The following PLPPR1 variants were observed in gnomAD, a reference collection of about 807,000 sequenced individuals.
PLPPR1 encodes the protein phospholipid phosphatase related 1, also known as phospholipid phosphatase-related protein type 1.
In PLPPR1, 10 loss-of-function variants were observed where a neutral mutation model predicts 33.1. The ratio of observed to expected loss-of-function variants is 0.30; its 90% CI spans 0.19 to 0.51. PLPPR1 has a LOEUF of 0.51. Ranked by LOEUF, PLPPR1 falls within the 20% of genes least tolerant of loss-of-function variation. The pLI is 0.97. For missense variants in PLPPR1, 304 were observed against 408.1 expected, an observed-to-expected ratio of 0.74 and a Z score of 2.20; for synonymous variants, 151 against 151.0, an observed-to-expected ratio of 1.00 and a Z score of 0.00.
chr9:101,144,029 A>G (rs1048114041), intron 1 of PLPPR1, among the ~76,000 whole-genome samples: 1 of 152,072 alleles, frequency 6.6e-6, no homozygotes, highest in Non-Finnish European at 1.5e-5. Context: ...TGGTCTATCA[A>G]TGATAGACTG....
At chr9:101,304,835 T>C (rs1828825924) in intron 4 of PLPPR1, among the ~76,000 whole-genome samples, 1 of 152,176 alleles carries the variant, frequency 6.6e-6, no homozygotes, top group Non-Finnish European at 1.5e-5. Context: ...ATTGGTACTC[T>C]ATAGAGCGTG....
chr9:101,215,797 C>G (rs1826782365), intron 2 of PLPPR1, among the ~76,000 whole-genome samples: 1 of 151,142 alleles, frequency 6.6e-6, no homozygotes, highest in African/African-American at 2.4e-5. Flanking sequence ...CAGTTCCATG[C>G]ATGTTGTTGA....
chr9:101,304,306 G>A (rs1346466181), intron 4 of PLPPR1, among the ~76,000 whole-genome samples: 1 of 152,168 alleles, frequency 6.6e-6, no homozygotes, highest in South Asian at 2.1e-4. Context: ...AAGTTTCTAT[G>A]CTCTTTTATC....
At chr9:101,049,202 A>G (rs924989287) in intron 1 of PLPPR1, among the ~76,000 whole-genome samples, 5 of 152,220 alleles carry the variant, frequency 3.3e-5, no homozygotes, top group African/African-American at 1.2e-4. Flanking sequence ...TTCAAAATTA[A>G]TTATGTTTTC....
intron 2 of PLPPR1, among the ~76,000 whole-genome samples, chr9:101,238,349 G>GTATA (rs199647180): frequency 0.25 from 32,727 of 132,664 alleles, 4,310 homozygotes; most frequent in African/African-American, 0.3. Context: ...ATATATAGAG[G>GTATA]TGTATATATA....
intron 2 of PLPPR1, among the ~76,000 whole-genome samples, chr9:101,244,697 G>A (rs1827552355): frequency 6.6e-6 from 1 of 151,832 alleles, no homozygotes; most frequent in Admixed American, 6.6e-5. Flanking sequence ...ACAATAAAAT[G>A]CATCTTTGAT....
At chr9:101,120,467 A>G (rs1229740771) in intron 1 of PLPPR1, among the ~76,000 whole-genome samples, 4 of 152,146 alleles carry the variant, frequency 2.6e-5, no homozygotes, top group African/African-American at 9.7e-5. Flanking sequence ...AAATATCCTT[A>G]TTGGCTAGAG....
At chr9:101,154,392 T>C (rs1831645122) in intron 1 of PLPPR1, among the ~76,000 whole-genome samples, 2 of 152,198 alleles carry the variant, frequency 1.3e-5, no homozygotes, top group Non-Finnish European at 2.9e-5. Context: ...TTCAGACCTG[T>C]TATTGGTCTT....
chr9:101,265,720 G>T (rs1827978346), intron 2 of PLPPR1, among the ~76,000 whole-genome samples: 1 of 152,066 alleles, frequency 6.6e-6, no homozygotes, highest in Admixed American at 6.6e-5. Flanking sequence ...CAGGAGGCCG[G>T]GTACGGTGGC....
At chr9:101,029,269 G>A (rs1829910095) in intron 1 of PLPPR1, among the ~76,000 whole-genome samples, 167 bp downstream of exon 1, 1 of 152,222 alleles carries the variant, frequency 6.6e-6, no homozygotes. Context: ...CAGAGGAGAG[G>A]ACGAACCCAG....
intron 4 of PLPPR1, 121 bp from the exon 5 acceptor site, chr9:101,309,090 G>A (rs1331244499): frequency 4.1e-6 from 4 of 967,604 alleles, no homozygotes; most frequent in African/African-American, 1.6e-5. Context: ...AAGATACTCC[G>A]GGGAGTACTT....
At chr9:101,285,519 A>G (rs1828378461) in intron 3 of PLPPR1, among the ~76,000 whole-genome samples, 1 of 152,204 alleles carries the variant, frequency 6.6e-6, no homozygotes, top group Non-Finnish European at 1.5e-5. Flanking sequence ...TAAAGTCCTC[A>G]CTTAATGTTG....
intron 2 of PLPPR1, among the ~76,000 whole-genome samples, chr9:101,267,033 A>G (rs1395248783): frequency 6.6e-6 from 1 of 152,176 alleles, no homozygotes; most frequent in Admixed American, 6.5e-5. Flanking sequence ...AAGCCAAGAG[A>G]GACAAAATTG....
At chr9:101,096,506 G>T (rs1830819975) in intron 1 of PLPPR1, among the ~76,000 whole-genome samples, 1 of 152,168 alleles carries the variant, frequency 6.6e-6, no homozygotes, top group Non-Finnish European at 1.5e-5. Flanking sequence ...TAAGACCTGA[G>T]TGAACATGTG....
intron 1 of PLPPR1, among the ~76,000 whole-genome samples, chr9:101,147,329 C>CCACTTTTAA (rs1252700728): frequency 2.0e-5 from 3 of 152,064 alleles, no homozygotes; most frequent in African/African-American, 7.2e-5. Flanking sequence ...ACAAAAATAG[C>CCACTTTTAA]CACTTTTAGT....
chr9:101,054,739 T>C lies in PLPPR1; in HGVS notation c.-46+25637T>C, dbSNP rs114387857. ...AATTCCAAATAAATAAACAAATACA[T>C]AAATAATAAACGAGCCTTCTTTGTT... is the stretch of plus-strand genomic sequence containing the variant. On this transcript the variant is annotated intron_variant, in intron 1 of 7. Coordinates refer to ENST00000374874, the MANE Select transcript of PLPPR1 (RefSeq NM_207299.2). Among the ~76,000 whole-genome samples, 974 of 152,202 alleles carry C rather than the reference T, an allele frequency of 6.4e-3. 12 individuals are homozygous for C. Among genetic ancestry groups the C allele is most frequent in the African/African-American group, 0.023 (938 of 41,536 alleles).
intron 4 of PLPPR1, among the ~76,000 whole-genome samples, chr9:101,292,778 C>A (rs1828539229): frequency 6.6e-6 from 1 of 151,678 alleles, no homozygotes; most frequent in Admixed American, 6.6e-5. Context: ...ACCACCAGGC[C>A]TGCTCTAAAA....
At chr9:101,144,554 C>T (rs1831498120) in intron 1 of PLPPR1, among the ~76,000 whole-genome samples, 1 of 152,142 alleles carries the variant, frequency 6.6e-6, no homozygotes, top group Non-Finnish European at 1.5e-5. Context: ...AAGCAGCCAT[C>T]TCAACCCAAG....
chr9:101,212,635 A>G (rs1826711607), intron 2 of PLPPR1, among the ~76,000 whole-genome samples: 1 of 152,246 alleles, frequency 6.6e-6, no homozygotes, highest in Admixed American at 6.5e-5. Context: ...TTGTCAGTAT[A>G]TAACTATAGG....
Sources: allele counts gnomAD v4.1 joint callset (sites outside exome capture counted in the v4.1 genomes callset), GRCh38; gene constraint gnomAD v4.1.1; transcripts MANE v1.5; gene names NCBI Gene and HGNC (gene_info 2026-07-23, HGNC 2026-07-21).